The following PCDHGB4 variants were observed in gnomAD, a reference collection of about 807,000 sequenced individuals.
The protein encoded by PCDHGB4 is protocadherin gamma subfamily B, 4, also known as protocadherin gamma-B4.
In PCDHGB4, 38 loss-of-function variants were observed where a neutral mutation model predicts 60.5. That is an observed-to-expected ratio of 0.63 (90% CI 0.48 to 0.82). The LOEUF is 0.82. Among genes scored for constraint, PCDHGB4 ranks in the 40% least tolerant of loss-of-function variants. PCDHGB4 has a pLI of 0.00. For synonymous variants in PCDHGB4, 456 were observed against 509.7 expected, an observed-to-expected ratio of 0.89 and a Z score of 1.42; for missense variants, 1,109 against 1,209.6, an observed-to-expected ratio of 0.92 and a Z score of 1.23.
intron 1 of PCDHGB4, chr5:141,419,181 A>T (rs769321564): frequency 1.9e-6 from 3 of 1,613,858 alleles, no homozygotes; most frequent in Admixed American, 3.3e-5. Flanking sequence ...ATAACCCTGC[A>T]CATTACTGAC....
intron 1 of PCDHGB4, among the ~76,000 whole-genome samples, chr5:141,443,812 G>A (rs1441798548): frequency 6.6e-6 from 1 of 151,990 alleles, no homozygotes; most frequent in Admixed American, 6.6e-5. Flanking sequence ...AGTTACCTTT[G>A]GAAAACATAA....
intron 3 of PCDHGB4, among the ~76,000 whole-genome samples, chr5:141,505,999 G>A (rs891447053): frequency 1.3e-5 from 2 of 152,172 alleles, no homozygotes; most frequent in African/African-American, 4.8e-5. Flanking sequence ...TTTATGCGAG[G>A]CTCCTCTTTT....
chr5:141,453,888 C>T (rs1273180395), intron 1 of PCDHGB4, among the ~76,000 whole-genome samples: 2 of 152,198 alleles, frequency 1.3e-5, no homozygotes, highest in East Asian at 1.9e-4. Flanking sequence ...TGTGGCCAAT[C>T]ACATGACTTC....
In PCDHGB4 at chr5:141,431,024, A is replaced by G; in HGVS notation, c.2397+40743A>G. ...CAGCGGCAGCTTGGTCACGGCGGGCAGGATAGACCGGGAGGAGCTCTGTAT... is the reference window on the plus strand; with the variant it reads ...CAGCGGCAGCTTGGTCACGGCGGGCGGGATAGACCGGGAGGAGCTCTGTAT... On this transcript the variant is annotated intron_variant, in intron 1 of 3. Transcript: ENST00000519479. The surrounding 1 kb of genome is among the most constrained non-coding windows in gnomAD (Gnocchi z 4.8). 2.5e-6 allele frequency: 4 copies of G among 1,614,024 alleles called. No homozygotes were observed. The highest frequency in any genetic ancestry group is 3.4e-6 in the Non-Finnish European group (4 of 1,179,926).
Position 141,388,705 on chromosome 5 carries a change from A to G in PCDHGB4, c.821A>G (p.Asn274Ser). The G allele has an allele frequency of 6.2e-7, 1 of 1,613,994 alleles. No individual in the cohort carries two copies. Among genetic ancestry groups the G allele is most frequent in the African/African-American group, 1.3e-5 (1 of 75,046 alleles). Reference sequence around the variant, plus strand: ...GCCACGGACCAGGATGAGGGTGTCAATGCCGAGATTACTTTCTCTTTCAGT... The same window carrying G: ...GCCACGGACCAGGATGAGGGTGTCAGTGCCGAGATTACTTTCTCTTTCAGT... Reference protein sequence around the residue: ...VTATDQDEGVNAEITFSFSEA... With the variant: ...VTATDQDEGVSAEITFSFSEA... Residue 274 changes from asparagine (N) to serine (S), a missense_variant, in exon 1 of 4, where the codon AAT becomes AGT. Around this residue, in one of 2 missense-constraint regions of PCDHGB4, gnomAD observed 1,068 missense variants for 1,089.9 expected, o/e 0.98. Transcript: ENST00000519479.
At chr5:141,475,217 A>G (rs1053906682) in intron 1 of PCDHGB4, among the ~76,000 whole-genome samples, 4 of 152,196 alleles carry the variant, frequency 2.6e-5, no homozygotes, top group Non-Finnish European at 5.9e-5. Flanking sequence ...AGGATTGATC[A>G]AGTAAAGGGA....
chr5:141,477,878 C>T lies in PCDHGB4; in HGVS notation c.2398-16929C>T. On this transcript the variant is annotated intron_variant, in intron 1 of 3. Coordinates refer to ENST00000519479, the MANE Select transcript of PCDHGB4 (RefSeq NM_003736.4). The surrounding 1 kb of genome is among the most constrained non-coding windows in gnomAD (Gnocchi z 4.9). ...GCTGCCTCGAGGTACCTCAGCTGGC[C>T]ACCTAGTGTCACGGGTGGTAGGCTG... 2.5e-6 allele frequency: 4 copies of T among 1,614,158 alleles called. No individual in the cohort carries two copies. Among genetic ancestry groups the T allele is most frequent in the Non-Finnish European group, 3.4e-6 (4 of 1,180,008 alleles).
Position 141,489,968 on chromosome 5 carries a change from A to G in PCDHGB4, c.2398-4839A>G. 6.2e-7 allele frequency: 1 copy of G among 1,614,146 alleles called. No homozygotes were observed. The highest frequency in any genetic ancestry group is 2.2e-5 in the East Asian group (1 of 44,880). On this transcript the variant is annotated intron_variant, in intron 1 of 3. Coordinates refer to ENST00000519479, the MANE Select transcript of PCDHGB4 (RefSeq NM_003736.4). This position sits in a 1 kb window ranked among gnomAD's most constrained non-coding sequence, Gnocchi z 4.5. Reference sequence around the variant, plus strand: ...ATCAATGATAATGCTCCAACCTTCCAATCCTCAGTTCTACGTGTGGGAATC... The same window carrying G: ...ATCAATGATAATGCTCCAACCTTCCGATCCTCAGTTCTACGTGTGGGAATC...
chr5:141,395,542 TTGTGTG>T (rs55729045), intron 1 of PCDHGB4: 20,097 of 170,756 alleles, frequency 0.12, 1,101 homozygotes, highest in Admixed American at 0.15. Context: ...TTGCTATTGT[TTGTGTG>T]TGTGTGTGTG....
intron 1 of PCDHGB4, among the ~76,000 whole-genome samples, chr5:141,454,900 C>T (rs1411402448): frequency 1.4e-5 from 2 of 145,486 alleles, no homozygotes; most frequent in African/African-American, 2.6e-5. Flanking sequence ...CACCGCCTCC[C>T]GGGTTCACGC....
intron 1 of PCDHGB4, among the ~76,000 whole-genome samples, chr5:141,445,814 T>C (rs1554133709): frequency 6.6e-6 from 1 of 152,182 alleles, no homozygotes; most frequent in Non-Finnish European, 1.5e-5. Context: ...TAGATGAAAC[T>C]AATAAGGCAG....
rs2099427481 is a variant in PCDHGB4 at position 141,477,973 on chromosome 5, T to A, written c.2398-16834T>A. On this transcript the variant is annotated intron_variant, in intron 1 of 3. Coordinates refer to ENST00000519479, the MANE Select transcript of PCDHGB4 (RefSeq NM_003736.4). The surrounding 1 kb of genome is among the most constrained non-coding windows in gnomAD (Gnocchi z 4.9). The stretch of plus-strand genomic sequence containing the variant: ...TGGGATCCCCTAACCAGAGCCTTTT[T>A]GCCATAGGGCTGCACACTGGTCAAA... 1 of 1,614,030 alleles carries A rather than the reference T, an allele frequency of 6.2e-7. No individual in the cohort carries two copies. The highest frequency in any genetic ancestry group is 8.5e-7 in the Non-Finnish European group (1 of 1,180,030).
intron 1 of PCDHGB4, chr5:141,423,051 C>T (rs200022455): frequency 1.7e-5 from 28 of 1,614,084 alleles, no homozygotes; most frequent in Non-Finnish European, 2.3e-5. Context: ...TGTCCTATCG[C>T]CTGCTTAAGG....
intron 1 of PCDHGB4, chr5:141,410,789 A>C: frequency 1.3e-6 from 1 of 794,444 alleles, no homozygotes; most frequent in Non-Finnish European, 1.8e-6. Context: ...TATTTGGTTC[A>C]TAAGTTGCTC....
chr5:141,495,918 T>C (rs2099764622), intron 2 of PCDHGB4, among the ~76,000 whole-genome samples: 1 of 152,184 alleles, frequency 6.6e-6, no homozygotes, highest in African/African-American at 2.4e-5. Flanking sequence ...ATATCTTTCT[T>C]TGTCTCTGTC....
chr5:141,389,609 G>A lies in PCDHGB4; in HGVS notation c.1725G>A (p.Met575Ile), dbSNP rs1188923316. 3 of 1,612,966 alleles carry A rather than the reference G, an allele frequency of 1.9e-6. No individual in the cohort carries two copies. The highest frequency in any genetic ancestry group is 2.2e-5 in the South Asian group (2 of 91,072). Residue 575 changes from methionine (M) to isoleucine (I), a missense_variant, in exon 1 of 4, where the codon ATG becomes ATA. Physicochemically the swap from Met to Ile is conservative, Grantham distance 10 (BLOSUM62 1). Coordinates refer to ENST00000519479, the MANE Select transcript of PCDHGB4 (RefSeq NM_003736.4). The stretch of plus-strand genomic sequence containing the variant: ...CCGACGGCTCTGCGCTCTTCGATAT[G>A]GTGCCGCACGCTGCAGAGCCTGGCT... ...LGPDGSALFD[M>I]VPHAAEPGYL...
At position 141,388,504 on chromosome 5, in the gene PCDHGB4, C is replaced by T; in HGVS notation, c.620C>T (p.Ser207Phe). The stretch of plus-strand genomic sequence containing the variant: ...CCTTTGGACAGAGAAAAGCAGAAAT[C>T]CTACCACTTGACTTTGACTGCCTTG... The part of the protein sequence containing the change: ...KTPLDREKQK[S>F]YHLTLTALDF... The change falls in exon 1 of 4, where the codon TCC becomes TTC. Residue 207 changes from serine (S) to phenylalanine (F), a missense_variant. Physicochemically the swap from Ser to Phe is radical, Grantham distance 155. This residue lies in a region of PCDHGB4 where 1,068 missense variants were observed against 1,089.9 expected (regional missense o/e 0.98). Transcript: ENST00000519479. 1.2e-6 allele frequency: 2 copies of T among 1,613,808 alleles called. No individual in the cohort carries two copies. The highest frequency in any genetic ancestry group is 1.7e-6 in the Non-Finnish European group (2 of 1,179,886).
At chr5:141,428,455 T>C (rs898393760) in intron 1 of PCDHGB4, 61 of 361,572 alleles carry the variant, frequency 1.7e-4, no homozygotes, top group African/African-American at 1.2e-3. Context: ...TTTTCCCAAC[T>C]ACAATGAGGG....
At chr5:141,391,974 C>T (rs2092450559) in intron 1 of PCDHGB4, 1 of 152,032 alleles carries the variant, frequency 6.6e-6, no homozygotes. Flanking sequence ...AATAAAATAG[C>T]AAAACAATGT....
Sources: gnomAD v4.1 joint callset for allele counts (sites outside exome capture counted in the v4.1 genomes callset) on GRCh38, gnomAD v4.1.1 for gene constraint, gnomAD v4.1.1 regional missense constraint, Gnocchi (gnomAD v3.1) non-coding constraint, MANE v1.5 for transcripts, NCBI Gene and HGNC (gene_info 2026-07-23, HGNC 2026-07-21) for gene names.